C4orf36: variants seen among roughly 807,000 people sequenced by gnomAD.
C4orf36 encodes the protein chromosome 4 open reading frame 36.
A neutral mutation model predicts 12.2 loss-of-function variants in C4orf36; 11 were observed. The observed-to-expected ratio is 0.90, with a 90% confidence interval of 0.57 to 1.49. The LOEUF is 1.49. C4orf36 is among the 40% of genes most tolerant of loss of function. The probability of loss-of-function intolerance (pLI) is 0.00; values close to 1 mark genes in which losing one functional copy is unlikely to be tolerated. For synonymous variants in C4orf36, 54 were observed against 51.3 expected (o/e 1.05, Z -0.22); for missense variants, 137 against 133.9 (o/e 1.02, Z -0.11).
intron 1 of C4orf36, 164 bp downstream of exon 1, chr4:86,892,019 C>G (rs942942817): frequency 3.0e-6 from 3 of 986,600 alleles, no homozygotes; most frequent in Non-Finnish European, 3.6e-6. Flanking sequence ...AGCACCACTC[C>G]CGCGTCCCCG....
chr4:86,922,828 C>T, the C4orf36 span, among the ~76,000 whole-genome samples: 1 of 152,178 alleles, frequency 6.6e-6, no homozygotes, highest in African/African-American at 2.4e-5. Context: ...CCGTCCTCTC[C>T]AAGGGGGTCT....
At chr4:86,935,798 T>A in the C4orf36 span, 1 of 140,254 alleles carries the variant, frequency 7.1e-6, no homozygotes, top group East Asian at 2.1e-4. Context: ...AGCCACCTTC[T>A]GAGACTTAAC....
the C4orf36 span, chr4:86,914,353 C>A: frequency 1.2e-5 from 12 of 967,628 alleles, no homozygotes; most frequent in Non-Finnish European, 1.8e-5. Context: ...TCCTTGAGTT[C>A]ATGAGCTTTC....
At chr4:86,930,635 T>C in the C4orf36 span, among the ~76,000 whole-genome samples, 3 of 152,260 alleles carry the variant, frequency 2.0e-5, no homozygotes, top group Admixed American at 6.5e-5. Context: ...CCAGCTGCAC[T>C]GGAATTTTGC....
chr4:86,877,138 G>GTCCA (rs1746944978), intron 4 of C4orf36, among the ~76,000 whole-genome samples: 2 of 152,170 alleles, frequency 1.3e-5, no homozygotes, highest in African/African-American at 4.8e-5. Flanking sequence ...AACATATGTT[G>GTCCA]ATACAGCTGG....
At chr4:86,935,600 G>C in the C4orf36 span, 1 of 152,186 alleles carries the variant, frequency 6.6e-6, no homozygotes, top group Non-Finnish European at 1.5e-5. Flanking sequence ...CCTGCTACTT[G>C]AGTTGCGTAA....
chr4:86,925,917 C>T, the C4orf36 span: 1 of 147,986 alleles, frequency 6.8e-6, no homozygotes, highest in African/African-American at 2.5e-5. Flanking sequence ...TACTCTGTCG[C>T]CCAGGCTGGA....
chr4:86,930,465 A>G, the C4orf36 span, among the ~76,000 whole-genome samples: 1 of 152,252 alleles, frequency 6.6e-6, no homozygotes, highest in African/African-American at 2.4e-5. Context: ...CTGAGGTTAT[A>G]ACTTCTTTAT....
At chr4:86,934,948 C>A in the C4orf36 span, 1 of 150,082 alleles carries the variant, frequency 6.7e-6, no homozygotes, top group African/African-American at 2.4e-5. Flanking sequence ...GGGGTGGGGG[C>A]GGGGCCTCGC....
At chr4:86,884,302 T>C (rs867204671) in intron 4 of C4orf36, among the ~76,000 whole-genome samples, 25,306 of 135,466 alleles carry the variant, frequency 0.19, 2,809 homozygotes, top group East Asian at 0.28. Context: ...AGACTGAATT[T>C]TTTTTTTTTT....
chr4:86,886,118 T>C (rs1376892082), intron 4 of C4orf36, among the ~76,000 whole-genome samples: 2 of 152,196 alleles, frequency 1.3e-5, no homozygotes, highest in East Asian at 3.8e-4. Context: ...TTATTGAGGA[T>C]TTTTGCATCG....
At chr4:86,900,774 C>G in the C4orf36 span, among the ~76,000 whole-genome samples, 2 of 152,124 alleles carry the variant, frequency 1.3e-5, no homozygotes, top group East Asian at 3.9e-4. Flanking sequence ...TAGCTAACAG[C>G]ACAGTGAGGG....
the C4orf36 span, among the ~76,000 whole-genome samples, chr4:86,915,602 GGAGA>G: frequency 1.3e-5 from 2 of 152,178 alleles, no homozygotes; most frequent in African/African-American, 4.8e-5. Flanking sequence ...TGATCAACAT[GGAGA>G]AAGAAACCCC....
Position 86,884,984 on chromosome 4 carries a change from G to C in C4orf36, c.*2+2774C>G, listed in dbSNP as rs544917362. Among the ~76,000 whole-genome samples, 8 of 152,230 alleles carry C rather than the reference G, an allele frequency of 5.3e-5. No individual in the cohort carries two copies. The East Asian group carries it at 1.5e-3, about 29-fold the overall frequency. On this transcript the variant is annotated intron_variant, in intron 4 of 4. Coordinates refer to ENST00000295898, the MANE Select transcript of C4orf36 (RefSeq NM_144645.4). Reference sequence around the variant, plus strand: ...AATCCTTTCCCCATTGTTCGTTTTTGTCAGGTTTGTCAAAGATCAGATAGT... The same window carrying C: ...AATCCTTTCCCCATTGTTCGTTTTTCTCAGGTTTGTCAAAGATCAGATAGT...
chr4:86,891,222 C>T (rs1176062695), intron 2 of C4orf36, among the ~76,000 whole-genome samples: 2 of 149,662 alleles, frequency 1.3e-5, no homozygotes, highest in Non-Finnish European at 2.9e-5. Context: ...TTCTCTGAAC[C>T]TCAGTTTTCT....
At chr4:86,877,372 A>G (rs897406955) in intron 4 of C4orf36, among the ~76,000 whole-genome samples, 1 of 152,244 alleles carries the variant, frequency 6.6e-6, no homozygotes, top group African/African-American at 2.4e-5. Context: ...ACAGGTATGT[A>G]AAGGAAGTGG....
At position 86,887,867 on chromosome 4, in the gene C4orf36, C is replaced by T. The variant is rs72613147; in HGVS notation, c.247G>A (p.Val83Met). ...CACTTCAGTTTACAAAGACGCTTCA[C>T]TTCATACTCCCTTTCGAGTTTGATA... is the stretch of plus-strand genomic sequence containing the variant. ...ESIKLEREYE[V>M]KRLCKLKCQE... is the part of the protein sequence containing the mutation. Residue 83 changes from valine to methionine, a missense_variant, in exon 4 of 5, where the codon GTG (valine) becomes ATG (methionine). By Grantham distance (21) the Val-to-Met change is conservative. Transcript: ENST00000295898. 6.2e-7 allele frequency: 1 copy of T among 1,614,008 alleles called. No homozygotes were observed. Among genetic ancestry groups the T allele is most frequent in the Non-Finnish European group, 8.5e-7 (1 of 1,179,976 alleles).
rs1560472894 is a variant in C4orf36 at position 86,888,107 on chromosome 4, CT to C, written c.220+13del. The C allele has an allele frequency of 6.2e-7, 1 of 1,605,970 alleles. No homozygotes were observed. The highest frequency in any genetic ancestry group is 1.3e-5 in the African/African-American group (1 of 74,706). On this transcript the variant is annotated intron_variant, in intron 3 of 4. Coordinates refer to ENST00000295898, the MANE Select transcript of C4orf36 (RefSeq NM_144645.4). ...GAATTTATAACTTATTAAAGCAGAA[CT>C]TAAGGAACTTACATTCTGCAGAAGG...
chr4:86,909,891 C>CT, the C4orf36 span, among the ~76,000 whole-genome samples: 30 of 46,028 alleles, frequency 6.5e-4, no homozygotes, highest in East Asian at 0.026. Flanking sequence ...CAGAGGAAGA[C>CT]TTAAAAAAAA....
Sources: allele counts gnomAD v4.1 joint callset (sites outside exome capture counted in the v4.1 genomes callset), GRCh38; gene constraint gnomAD v4.1.1; transcripts MANE v1.5; gene names NCBI Gene and HGNC (gene_info 2026-07-23, HGNC 2026-07-21).